Variants in TRPV4 observed in about 807,000 individuals in gnomAD.
The protein encoded by TRPV4 is OSM9-like transient receptor potential channel 4.
Under a neutral mutation model 84.1 loss-of-function variants are expected in TRPV4, and 58 were observed. The observed-to-expected ratio is 0.69, with a 90% CI of 0.56 to 0.86. The LOEUF (loss-of-function observed/expected upper bound fraction) is 0.86, where lower values mean the gene tolerates loss of function less well. Ranked by LOEUF, TRPV4 falls within the 40% of genes least tolerant of loss-of-function variation. TRPV4 has a pLI of 0.00. For missense variants in TRPV4, 879 were observed against 1,181.1 expected (o/e 0.74, Z 3.75); for synonymous variants, 489 against 500.9 (o/e 0.98, Z 0.32).
At chr12:109,816,273 G>A (rs537516872) in intron 1 of TRPV4, among the ~76,000 whole-genome samples, 18 of 152,328 alleles carry the variant, frequency 1.2e-4, no homozygotes, top group East Asian at 7.7e-4. Context: ...ACACCAAAAG[G>A]GAGAGACAGC....
At chr12:109,794,255 T>C (rs1316218968) in intron 8 of TRPV4, 74 bp downstream of exon 8, 10 of 1,565,900 alleles carry the variant, frequency 6.4e-6, no homozygotes, top group Non-Finnish European at 8.7e-6. Flanking sequence ...CCCAGAAGGA[T>C]GAGGTTGTGC....
chr12:109,794,056 C>T (rs1298907034), intron 8 of TRPV4, 34 bp from the exon 9 acceptor site: 1 of 1,548,092 alleles, frequency 6.5e-7, no homozygotes, highest in Admixed American at 1.9e-5. Flanking sequence ...GGTCGTCACC[C>T]AGCCCCTCCA....
At position 109,786,678 on chromosome 12, in the gene TRPV4, C is replaced by G. The variant is rs756326029; in HGVS notation, c.2336+32G>C. On this transcript the variant is annotated intron_variant, in intron 14 of 15. Transcript: ENST00000261740. The surrounding 1 kb of genome is among the most constrained non-coding windows in gnomAD (Gnocchi z 4.5). The stretch of plus-strand genomic sequence containing the variant: ...CCGAGCCAGTGGGGACAGTTCCGCC[C>G]TGCCATCCTGGCCCCACTGCCCCAG... 6.2e-7 allele frequency: 1 copy of G among 1,612,898 alleles called. No individual in the cohort carries two copies. The highest frequency in any genetic ancestry group is 2.2e-5 in the East Asian group (1 of 44,878).
chr12:109,786,823 G>A lies in TRPV4; in HGVS notation c.2223C>T (p.Ile741=), dbSNP rs1163935040. The A allele has an allele frequency of 6.2e-7, 1 of 1,613,998 alleles. No homozygotes were observed. Among genetic ancestry groups the A allele is most frequent in the South Asian group, 1.1e-5 (1 of 91,086 alleles). ...CGGGGAAGGAGCGCTCAATGTCCAG[G>A]ATGGTGGTGGCCCACTGCGGGGAGG... ...HIWKLQWATT[I]LDIERSFPVF... The change falls in exon 14 of 16, where the codon ATC becomes ATT. Residue 741 remains isoleucine (I), a synonymous_variant. Coordinates refer to ENST00000261740, the MANE Select transcript of TRPV4 (RefSeq NM_021625.5). The surrounding 1 kb of genome is among the most constrained non-coding windows in gnomAD (Gnocchi z 4.5).
At chr12:109,816,849 C>T (rs1389770402) in intron 1 of TRPV4, among the ~76,000 whole-genome samples, 1 of 152,224 alleles carries the variant, frequency 6.6e-6, no homozygotes, top group Admixed American at 6.5e-5. Context: ...TAGAGTGGGA[C>T]TTTCAGTTAT....
At chr12:109,832,107 C>T (rs1592879185) in intron 1 of TRPV4, among the ~76,000 whole-genome samples, 1 of 152,218 alleles carries the variant, frequency 6.6e-6, no homozygotes, top group East Asian at 1.9e-4. Context: ...TGCCCTCAGG[C>T]ACCCCAGTAT....
rs369621290 is a variant in TRPV4 at position 109,798,140 on chromosome 12, G to A, written c.1152+474C>T. On this transcript the variant is annotated intron_variant, in intron 6 of 15. Transcript: ENST00000261740. The surrounding 1 kb of genome is among the most constrained non-coding windows in gnomAD (Gnocchi z 5.0). Reference sequence around the variant, plus strand: ...CCTGGCATCTGGTGGGTAGAGGCCCGGGATGCAGATCAATGTCTGGCAATA... The same window carrying A: ...CCTGGCATCTGGTGGGTAGAGGCCCAGGATGCAGATCAATGTCTGGCAATA... Among the ~76,000 whole-genome samples, 25 of 152,324 alleles carry A rather than the reference G, an allele frequency of 1.6e-4. No individual in the cohort carries two copies. The highest frequency in any genetic ancestry group is 9.8e-4 in the Admixed American group (15 of 15,290).
In TRPV4 at chr12:109,800,733, A is replaced by G. The variant is rs199816817; in HGVS notation, c.738T>C (p.Ile246=). 6.2e-7 allele frequency: 1 copy of G among 1,613,562 alleles called. No homozygotes were observed. The highest frequency in any genetic ancestry group is 1.3e-5 in the African/African-American group (1 of 74,998). ...YRGQTALHIA[I]ERRCKHYVEL... ...CCACGTAGTGTTTGCAGCGACGCTCAATGGCGATGTGCAGGGCTGTCTGAC... is the reference window on the plus strand; with the variant it reads ...CCACGTAGTGTTTGCAGCGACGCTCGATGGCGATGTGCAGGGCTGTCTGAC... The change falls in exon 5 of 16, where the codon ATT becomes ATC. Residue 246 remains isoleucine (I), a synonymous_variant. Transcript: ENST00000261740.
intron 2 of TRPV4, among the ~76,000 whole-genome samples, chr12:109,811,657 C>CA (rs753185768): frequency 0.021 from 2,325 of 108,714 alleles, 23 homozygotes; most frequent in African/African-American, 0.037. Flanking sequence ...GAACCTGTCT[C>CA]AAAAAAAAAA....
rs1176190268 is a variant in TRPV4, at chr12:109,794,450, T to C, written c.1370A>G (p.Glu457Gly). The stretch of plus-strand genomic sequence containing the variant: ...CTTGCGCCACTTGTCCCGCAGCAGT[T>C]CATTGATGGGCTCCACAGCCAGCAT... Reference protein sequence around the residue: ...HEMLAVEPINELLRDKWRKFG... With the variant: ...HEMLAVEPINGLLRDKWRKFG... Residue 457 changes from glutamate (E) to glycine (G), a missense_variant, in exon 8 of 16, where the codon GAA (glutamate) becomes GGA (glycine). By Grantham distance (98) the Glu-to-Gly change is moderately conservative. Transcript: ENST00000261740. 1.2e-6 allele frequency: 2 copies of C among 1,613,948 alleles called. No homozygotes were observed. Among genetic ancestry groups the C allele is most frequent in the East Asian group, 4.5e-5 (2 of 44,840 alleles).
chr12:109,797,937 G>A (rs1201810979), intron 6 of TRPV4, among the ~76,000 whole-genome samples: 3 of 152,182 alleles, frequency 2.0e-5, no homozygotes, highest in Non-Finnish European at 4.4e-5. Flanking sequence ...CACAGAAAAG[G>A]GAAATGAGAT....
intron 6 of TRPV4, among the ~76,000 whole-genome samples, chr12:109,797,508 C>T (rs1890479649): frequency 6.6e-6 from 1 of 151,516 alleles, no homozygotes; most frequent in Non-Finnish European, 1.5e-5. Context: ...GGCTGGAGTG[C>T]AATGGCACTA....
intron 7 of TRPV4, among the ~76,000 whole-genome samples, chr12:109,795,061 C>A (rs1890308581): frequency 6.6e-6 from 1 of 152,144 alleles, no homozygotes; most frequent in Non-Finnish European, 1.5e-5. Context: ...TCCCAAACTC[C>A]AATCTGTGGA....
In TRPV4 at chr12:109,786,607, G is replaced by T; in HGVS notation, c.2336+103C>A. 1.3e-6 allele frequency: 2 copies of T among 1,496,802 alleles called. No individual in the cohort carries two copies. Among genetic ancestry groups the T allele is most frequent in the Non-Finnish European group, 9.1e-7 (1 of 1,098,422 alleles). 92.7% of individuals were successfully genotyped at this position (1,496,802 alleles called of 1,614,324 possible). A position where few individuals can be genotyped will look rare whatever the true frequency, so the allele number is the denominator to read the frequency against. Reference sequence around the variant, plus strand: ...GCTCGGGCCTCTTGGGGCCTCAGTGGCTCCAGAAATTGCAATGGGTAGACG... The same window carrying T: ...GCTCGGGCCTCTTGGGGCCTCAGTGTCTCCAGAAATTGCAATGGGTAGACG... On this transcript the variant is annotated intron_variant, in intron 14 of 15. Transcript: ENST00000261740. The surrounding 1 kb of genome is among the most constrained non-coding windows in gnomAD (Gnocchi z 4.5).
At chr12:109,811,136 T>C (rs1891487916) in intron 2 of TRPV4, among the ~76,000 whole-genome samples, 1 of 152,172 alleles carries the variant, frequency 6.6e-6, no homozygotes, top group African/African-American at 2.4e-5. Flanking sequence ...TGGGCTTAAA[T>C]GTCAACTCCT....
At chr12:109,831,795 C>T (rs1892416738) in intron 1 of TRPV4, among the ~76,000 whole-genome samples, 1 of 152,246 alleles carries the variant, frequency 6.6e-6, no homozygotes, top group Non-Finnish European at 1.5e-5. Flanking sequence ...CATTTCAAAA[C>T]AGCCCCACCT....
Position 109,796,457 on chromosome 12 carries a change from A to AG in TRPV4, c.1332+67dup. 1 of 1,557,364 alleles carries AG rather than the reference A, an allele frequency of 6.4e-7. No homozygotes were observed. Among genetic ancestry groups the AG allele is most frequent in the South Asian group, 1.1e-5 (1 of 87,986 alleles). ...GGGCTGTCTCCCCCAGCCCAGCCCC[A>AG]GGGCCCTGTCCCTACTCCCAGCCCT... On this transcript the variant is annotated intron_variant, in intron 7 of 15. Transcript: ENST00000261740. The surrounding 1 kb of genome is among the most constrained non-coding windows in gnomAD (Gnocchi z 4.2).
intron 5 of TRPV4, 102 bp from the exon 6 acceptor site, chr12:109,799,014 AT>A: frequency 8.7e-7 from 1 of 1,155,392 alleles, no homozygotes; most frequent in East Asian, 2.4e-5. Context: ...TCTGAGGATA[AT>A]GACGGAGACA....
In TRPV4 at chr12:109,783,639, A is replaced by T; in HGVS notation, c.2598T>A (p.Thr866=). Residue 866 remains threonine, a synonymous_variant, in exon 16 of 16, where the codon ACT becomes ACA. Transcript: ENST00000261740. This position sits in a 1 kb window ranked among gnomAD's most constrained non-coding sequence, Gnocchi z 4.6. The part of the protein sequence containing the change: ...HQQGYPRKWR[T]DDAPL ...GCAGTCCCTAGAGCGGGGCGTCATC[A>T]GTCCTCCACTTGCGGGGGTAACCCT... 6 of 1,613,784 alleles carry T rather than the reference A, an allele frequency of 3.7e-6. No homozygotes were observed. Among genetic ancestry groups the T allele is most frequent in the Non-Finnish European group, 5.1e-6 (6 of 1,179,964 alleles).
Sources: allele counts gnomAD v4.1 joint callset (sites outside exome capture counted in the v4.1 genomes callset), GRCh38; gene constraint gnomAD v4.1.1; non-coding constraint Gnocchi (gnomAD v3.1); transcripts MANE v1.5; gene names NCBI Gene and HGNC (gene_info 2026-07-23, HGNC 2026-07-21).